Variants in PRH1 observed in about 807,000 individuals in gnomAD.
PRH1 encodes salivary acidic proline-rich phosphoprotein 1/2.
Under a neutral mutation model 7.9 loss-of-function variants are expected in PRH1, and 7 were observed. That is an observed-to-expected ratio of 0.89 (90% CI 0.50 to 1.67). The LOEUF (loss-of-function observed/expected upper bound fraction) is 1.67, where lower values mean the gene tolerates loss of function less well. PRH1 is among the 40% of genes most tolerant of loss of function. The pLI, the probability that PRH1 is intolerant of heterozygous loss-of-function variation, is 0.00. For missense variants in PRH1, 109 were observed against 223.6 expected, an observed-to-expected ratio of 0.49 and a Z score of 3.27; for synonymous variants, 45 against 80.8, an observed-to-expected ratio of 0.56 and a Z score of 2.38.
chr12:10,970,393 G>C (rs1421503685), intron 2 of PRH1, among the ~76,000 whole-genome samples: 1 of 151,986 alleles, frequency 6.6e-6, no homozygotes, highest in Admixed American at 6.6e-5. Context: ...TGAAAATTCA[G>C]TAATTTCTGT....
In PRH1 at chr12:11,129,030, C is replaced by A. The variant is rs533728466; in HGVS notation, n.40-7850G>T. ...CTGGAACTCCTGGGCTCAAGCAATC[C>A]TCCTGCCTCAGCTTCTCAACTATTT... On this transcript the variant is annotated intron_variant and non_coding_transcript_variant, in intron 1 of 1. Transcript: ENST00000541175. 1.1e-4 allele frequency among the ~76,000 whole-genome samples: 16 copies of A among 152,338 alleles called. No homozygotes were observed. The South Asian group carries it at 3.3e-3, about 32-fold the overall frequency.
Position 11,091,859 on chromosome 12 carries a change from C to T in PRH1, n.124-44671G>A. ...CATCACCAGAATGACACTCTTAACT[C>T]TCCTCTTTAAGTGAAGAAAAATAAA... On this transcript the variant is annotated intron_variant and non_coding_transcript_variant, in intron 1 of 4. Transcript: ENST00000541977. The T allele has an allele frequency of 5.7e-6, 8 of 1,413,574 alleles. 3 individuals are homozygous for T. Among genetic ancestry groups the T allele is most frequent in the Non-Finnish European group, 7.9e-6 (8 of 1,007,686 alleles). 87.6% of individuals were successfully genotyped at this position (1,413,574 alleles called of 1,614,324 possible).
At chr12:11,107,460 G>C (rs1337229700) in intron 1 of PRH1, among the ~76,000 whole-genome samples, 1 of 152,214 alleles carries the variant, frequency 6.6e-6, no homozygotes, top group Non-Finnish European at 1.5e-5. Context: ...CCAGCACAGG[G>C]AGAGTCTTTA....
chr12:11,036,243 T>C (rs1486838734), intron 1 of PRH1, among the ~76,000 whole-genome samples: 1 of 151,966 alleles, frequency 6.6e-6, no homozygotes, highest in African/African-American at 2.4e-5. Flanking sequence ...ATAACAATCA[T>C]TGAAAGATCA....
At chr12:11,149,798 C>A (rs1947003901) in intron 1 of PRH1, among the ~76,000 whole-genome samples, 1 of 136,958 alleles carries the variant, frequency 7.3e-6, no homozygotes, top group Non-Finnish European at 1.6e-5. Context: ...GCAATGGCAA[C>A]AAAAGACAAA....
At chr12:11,041,173 A>G (rs887953381) in intron 1 of PRH1, among the ~76,000 whole-genome samples, 2 of 119,690 alleles carry the variant, frequency 1.7e-5, no homozygotes, top group African/African-American at 5.6e-5. Context: ...TAAATGGAAA[A>G]ACAAAACAAA....
At chr12:11,136,520 A>T (rs1251099012) in intron 1 of PRH1, among the ~76,000 whole-genome samples, 5 of 152,168 alleles carry the variant, frequency 3.3e-5, no homozygotes. Context: ...CTCCTCATAG[A>T]CATAGAAAAG....
chr12:11,109,918 T>C (rs1945537660), intron 1 of PRH1, among the ~76,000 whole-genome samples: 1 of 151,916 alleles, frequency 6.6e-6, no homozygotes, highest in Non-Finnish European at 1.5e-5. Context: ...GCCAAGAACC[T>C]TGAAAAAAGG....
At chr12:11,059,920 A>T (rs1387493080) in intron 1 of PRH1, among the ~76,000 whole-genome samples, 1 of 152,122 alleles carries the variant, frequency 6.6e-6, no homozygotes, top group Non-Finnish European at 1.5e-5. Context: ...GCTGGGTTCT[A>T]GGTCCTGGGA....
At chr12:11,061,986 G>T in intron 1 of PRH1, 1 of 1,613,906 alleles carries the variant, frequency 6.2e-7, no homozygotes, top group Non-Finnish European at 8.5e-7. Flanking sequence ...AATAAAATAT[G>T]CTGAGGCTAG....
chr12:10,893,407 T>G (rs1949603181), intron 2 of PRH1, among the ~76,000 whole-genome samples: 1 of 152,250 alleles, frequency 6.6e-6, no homozygotes, highest in Non-Finnish European at 1.5e-5. Flanking sequence ...TTTTTTCTTT[T>G]GTCTGAAATG....
rs139030143 is a variant in PRH1 at position 11,029,591 on chromosome 12, C to A, written c.-126+17429G>T. ...CATGAGATCTCAACTTCAAAAACAG[C>A]TTTTCTTTAATTCAAAAGCGGAAGA... On this transcript the variant is annotated intron_variant, in intron 1 of 3. Transcript: ENST00000539853. Among the ~76,000 whole-genome samples, 837 of 152,388 alleles carry A rather than the reference C, an allele frequency of 5.5e-3. 5 individuals carry two copies. The highest frequency in any genetic ancestry group is 0.017 in the Middle Eastern group (5 of 294).
chr12:10,903,463 C>T (rs2110095), intron 2 of PRH1, among the ~76,000 whole-genome samples: 74,533 of 151,768 alleles, frequency 0.49, 20,723 homozygotes, highest in East Asian at 0.72. Context: ...AGGCAGAAAA[C>T]TAACAAGGAA....
At chr12:11,082,310 A>G (rs1252608027) in intron 1 of PRH1, among the ~76,000 whole-genome samples, 1 of 109,766 alleles carries the variant, frequency 9.1e-6, no homozygotes, top group Non-Finnish European at 2.1e-5. Flanking sequence ...TAGATACACA[A>G]TTTTTTTTTT....
At chr12:11,062,172 G>T in intron 1 of PRH1, 2 of 1,613,612 alleles carry the variant, frequency 1.2e-6, no homozygotes, top group Non-Finnish European at 1.7e-6. Flanking sequence ...CAGCAAAAGA[G>T]ATCTTTTGTC....
At chr12:10,946,579 T>A (rs564395308) in intron 2 of PRH1, among the ~76,000 whole-genome samples, 1 of 152,182 alleles carries the variant, frequency 6.6e-6, no homozygotes, top group African/African-American at 2.4e-5. Flanking sequence ...TAATTATTTT[T>A]AATTCCAACT....
At chr12:11,047,213 T>C (rs1203590518), upstream of PRH1, 4 of 332,628 alleles carry the variant, frequency 1.2e-5, no homozygotes, top group East Asian at 7.6e-5. Context: ...AAAATAAAAA[T>C]AGAAAGAGAT....
intron 1 of PRH1, among the ~76,000 whole-genome samples, chr12:11,147,666 G>C (rs531292380): frequency 7.2e-5 from 11 of 152,140 alleles, no homozygotes; most frequent in Non-Finnish European, 1.5e-4. Context: ...CTGTAAATTT[G>C]TCTATCTCAT....
At chr12:10,989,254 A>G (rs1392373236) in intron 1 of PRH1, among the ~76,000 whole-genome samples, 2 of 152,140 alleles carry the variant, frequency 1.3e-5, no homozygotes, top group Admixed American at 6.5e-5. Flanking sequence ...ACGTTTCTGA[A>G]ATTTACTCAC....
Sources: allele counts gnomAD v4.1 joint callset (sites outside exome capture counted in the v4.1 genomes callset), GRCh38; gene constraint gnomAD v4.1.1; transcripts MANE v1.5; gene names NCBI Gene and HGNC (gene_info 2026-07-23, HGNC 2026-07-21).